Variants in ADGRL2 observed in about 807,000 individuals in gnomAD.
ADGRL2 encodes calcium-independent alpha-latrotoxin receptor 2.
ADGRL2 carries 44 observed loss-of-function variants against 157.4 expected under a neutral mutation model. That is an observed-to-expected ratio of 0.28 (90% confidence interval 0.22 to 0.36). The LOEUF is 0.36. Ranked by LOEUF, ADGRL2 falls within the 10% of genes least tolerant of loss-of-function variation. The pLI, the probability that ADGRL2 is intolerant of heterozygous loss-of-function variation, is 1.00. For missense variants in ADGRL2, 1,510 were observed against 1,768.9 expected (o/e 0.85, Z 2.63); for synonymous variants, 585 against 624.7 (o/e 0.94, Z 0.95).
At position 81,837,173 on chromosome 1, in the gene ADGRL2, T is replaced by G. The variant is rs1001586601; in HGVS notation, c.73+116T>G. On this transcript the variant is annotated intron_variant, in intron 2 of 23. Transcript: ENST00000686636. ...ATTATTTTAAAAATAGGTGTTAAAATTATTTCCTGAATATTGAATTGTTTA... is the reference window on the plus strand; with the variant it reads ...ATTATTTTAAAAATAGGTGTTAAAAGTATTTCCTGAATATTGAATTGTTTA... 18 of 521,784 alleles carry G rather than the reference T, an allele frequency of 3.4e-5. No homozygotes were observed. The African/African-American group carries it at 3.6e-4, about 10-fold the overall frequency. The allele number at this position is 521,784 out of a possible 1,614,324, so 32.3% of individuals were successfully genotyped here.
intron 3 of ADGRL2, among the ~76,000 whole-genome samples, chr1:81,660,690 A>G (rs1457174588): frequency 2.0e-5 from 3 of 152,202 alleles, no homozygotes; most frequent in Non-Finnish European, 4.4e-5. Flanking sequence ...CAAAAAATTT[A>G]AAAGAAAACA....
intron 1 of ADGRL2, among the ~76,000 whole-genome samples, chr1:81,333,438 C>T (rs1005570301): frequency 2.0e-4 from 30 of 151,594 alleles, no homozygotes; most frequent in African/African-American, 2.4e-4. Flanking sequence ...TTTTTTGAGA[C>T]GGAGTCTCAC....
intron 11 of ADGRL2, among the ~76,000 whole-genome samples, chr1:81,959,031 C>T (rs1174932437): frequency 1.3e-5 from 2 of 152,146 alleles, no homozygotes; most frequent in Non-Finnish European, 2.9e-5. Context: ...ATTTGTATAT[C>T]TACTCACTTA....
chr1:81,812,489 A>G (rs866468362), intron 1 of ADGRL2, among the ~76,000 whole-genome samples: 1 of 151,866 alleles, frequency 6.6e-6, no homozygotes, highest in African/African-American at 2.4e-5. Flanking sequence ...GATTAAAAAT[A>G]ACTTAAAATA....
At chr1:81,662,041 A>G (rs1328221293) in intron 3 of ADGRL2, among the ~76,000 whole-genome samples, 10 of 152,026 alleles carry the variant, frequency 6.6e-5, no homozygotes, top group Admixed American at 6.6e-4. Context: ...GTAGAAGTAT[A>G]TATTTATAGG....
intron 2 of ADGRL2, among the ~76,000 whole-genome samples, chr1:81,446,213 G>A (rs1257287331): frequency 6.6e-6 from 1 of 152,060 alleles, no homozygotes; most frequent in South Asian, 2.1e-4. Flanking sequence ...CTGAAAGTGG[G>A]GTGCCTGCCA....
At chr1:81,426,801 G>T (rs1338247895) in intron 1 of ADGRL2, 9 of 489,922 alleles carry the variant, frequency 1.8e-5, no homozygotes, top group Non-Finnish European at 3.5e-5. Flanking sequence ...GAGAGGAGTC[G>T]ATAAAGCCTG....
intron 2 of ADGRL2, among the ~76,000 whole-genome samples, chr1:81,562,156 G>A: frequency 6.6e-6 from 1 of 152,130 alleles, no homozygotes; most frequent in Non-Finnish European, 1.5e-5. Flanking sequence ...ATAATAAATA[G>A]AAGATAGGGA....
intron 1 of ADGRL2, among the ~76,000 whole-genome samples, chr1:81,817,525 C>T (rs187440395): frequency 6.6e-6 from 1 of 152,012 alleles, no homozygotes; most frequent in Non-Finnish European, 1.5e-5. Flanking sequence ...GTATAAAAAT[C>T]AGAAATTTGT....
intron 1 of ADGRL2, among the ~76,000 whole-genome samples, chr1:81,409,298 C>CAA (rs920561323): frequency 4.0e-5 from 6 of 151,892 alleles, no homozygotes; most frequent in South Asian, 2.1e-4. Context: ...ACAAAAAACA[C>CAA]ACATTTGTAC....
chr1:81,356,952 C>CAAAAAAAAAAAAAAAAAAA (rs757239865), intron 1 of ADGRL2, among the ~76,000 whole-genome samples: 47 of 55,668 alleles, frequency 8.4e-4, no homozygotes, highest in African/African-American at 2.3e-3. Flanking sequence ...GACTCCGTCT[C>CAAAAAAAAAAAAAAAAAAA]AAAAAAAAAA....
chr1:81,843,690 G>A (rs1290249066), intron 2 of ADGRL2, among the ~76,000 whole-genome samples: 1 of 152,066 alleles, frequency 6.6e-6, no homozygotes, highest in Non-Finnish European at 1.5e-5. Context: ...TTACAAATGT[G>A]ACTCAAAGTT....
chr1:81,916,123 G>A (rs186058105), intron 3 of ADGRL2, among the ~76,000 whole-genome samples: 228 of 152,156 alleles, frequency 1.5e-3, no homozygotes, highest in African/African-American at 5.3e-3. Flanking sequence ...AGTGTTAAAT[G>A]TATTTACTTA....
intron 2 of ADGRL2, among the ~76,000 whole-genome samples, chr1:81,842,524 A>G (rs1461388993): frequency 6.6e-6 from 1 of 151,480 alleles, no homozygotes. Flanking sequence ...TGCCTGTCTA[A>G]CTTTTTTATT....
chr1:81,431,164 T>C (rs1015637513), intron 1 of ADGRL2, among the ~76,000 whole-genome samples: 1 of 152,164 alleles, frequency 6.6e-6, no homozygotes, highest in Non-Finnish European at 1.5e-5. Context: ...CCTCCTAAGA[T>C]TTCCAAGGGA....
At chr1:81,492,310 A>G (rs1415313122) in intron 2 of ADGRL2, among the ~76,000 whole-genome samples, 1 of 152,214 alleles carries the variant, frequency 6.6e-6, no homozygotes, top group Non-Finnish European at 1.5e-5. Context: ...AGAGAAGGTG[A>G]TTTTATGTAA....
intron 3 of ADGRL2, among the ~76,000 whole-genome samples, chr1:81,673,124 T>C (rs2082908991): frequency 6.6e-6 from 1 of 152,242 alleles, no homozygotes; most frequent in African/African-American, 2.4e-5. Flanking sequence ...GAAAAATATC[T>C]TATTTCTGGC....
intron 3 of ADGRL2, among the ~76,000 whole-genome samples, chr1:81,644,922 CA>C (rs2082284529): frequency 6.6e-6 from 1 of 152,184 alleles, no homozygotes; most frequent in East Asian, 1.9e-4. Context: ...TTGTAGCTCT[CA>C]CATTCATATA....
At chr1:81,345,545 T>C (rs1196966547) in intron 1 of ADGRL2, among the ~76,000 whole-genome samples, 1 of 152,218 alleles carries the variant, frequency 6.6e-6, no homozygotes, top group Non-Finnish European at 1.5e-5. Context: ...AGAGAAGTGA[T>C]AAATTATCCA....
Sources: allele counts gnomAD v4.1 joint callset (sites outside exome capture counted in the v4.1 genomes callset), GRCh38; gene constraint gnomAD v4.1.1; transcripts MANE v1.5; gene names NCBI Gene and HGNC (gene_info 2026-07-23, HGNC 2026-07-21).